The following BABAM2 variants were observed in gnomAD, a reference collection of about 807,000 sequenced individuals.
The protein encoded by BABAM2 is BRISC and BRCA1-A complex member 2.
In BABAM2, 31 loss-of-function variants were observed where a neutral mutation model predicts 54.7. That is an observed-to-expected ratio of 0.57 (90% confidence interval 0.43 to 0.77). BABAM2 has a LOEUF of 0.77. Among genes scored for constraint, BABAM2 ranks in the 30% least tolerant of loss-of-function variants. BABAM2 has a pLI of 0.00. For synonymous variants in BABAM2, 167 were observed against 162.9 expected, an observed-to-expected ratio of 1.03 and a Z score of -0.19; for missense variants, 364 against 455.8, an observed-to-expected ratio of 0.80 and a Z score of 1.83.
At chr2:28,332,868 G>A (rs1691085198) in intron 11 of BABAM2, among the ~76,000 whole-genome samples, 2 of 152,182 alleles carry the variant, frequency 1.3e-5, no homozygotes, top group Admixed American at 1.3e-4. Context: ...AAGACACACA[G>A]TGTCCCATGA....
At chr2:28,231,625 A>G (rs558289502) in intron 7 of BABAM2, among the ~76,000 whole-genome samples, 1 of 152,032 alleles carries the variant, frequency 6.6e-6, no homozygotes, top group Non-Finnish European at 1.5e-5. Flanking sequence ...CAAAAGCAGG[A>G]TGCTAAGGCT....
intron 3 of BABAM2, chr2:27,930,297 G>T (rs760529884): frequency 5.6e-6 from 1 of 177,550 alleles, no homozygotes; most frequent in South Asian, 1.2e-4. Flanking sequence ...CTGTGGAACC[G>T]CTGCGCCACG....
At chr2:28,320,572 C>T (rs1366594449) in intron 11 of BABAM2, among the ~76,000 whole-genome samples, 2 of 152,248 alleles carry the variant, frequency 1.3e-5, no homozygotes, top group African/African-American at 2.4e-5. Flanking sequence ...TACTACTCCA[C>T]GTTGCCAGGC....
chr2:28,064,581 C>T (rs1355209661), intron 6 of BABAM2, among the ~76,000 whole-genome samples: 1 of 152,216 alleles, frequency 6.6e-6, no homozygotes, highest in Non-Finnish European at 1.5e-5. Flanking sequence ...GATTCCTATA[C>T]TCTAATGTTC....
chr2:28,031,371 A>G (rs1311195504), intron 5 of BABAM2, among the ~76,000 whole-genome samples: 1 of 152,198 alleles, frequency 6.6e-6, no homozygotes, highest in Admixed American at 6.5e-5. Context: ...CATACAAAGT[A>G]TGCATTTCTT....
chr2:28,219,696 A>C (rs1175670489), intron 7 of BABAM2, among the ~76,000 whole-genome samples: 1 of 152,056 alleles, frequency 6.6e-6, no homozygotes, highest in Non-Finnish European at 1.5e-5. Context: ...CAAGCAAAGA[A>C]GCTTCAGTGA....
chr2:28,007,521 A>G (rs1674062788), intron 4 of BABAM2, among the ~76,000 whole-genome samples: 1 of 152,046 alleles, frequency 6.6e-6, no homozygotes, highest in Non-Finnish European at 1.5e-5. Flanking sequence ...TAGAGCTCCA[A>G]GATTAAAAGA....
At chr2:28,332,434 T>C (rs181338668) in intron 11 of BABAM2, among the ~76,000 whole-genome samples, 1 of 152,264 alleles carries the variant, frequency 6.6e-6, no homozygotes, top group African/African-American at 2.4e-5. Context: ...CATAAGATCA[T>C]TAAGTAGAAA....
chr2:28,256,350 A>G (rs952510416), intron 10 of BABAM2, among the ~76,000 whole-genome samples: 1 of 152,238 alleles, frequency 6.6e-6, no homozygotes, highest in Non-Finnish European at 1.5e-5. Flanking sequence ...TTACTGCTAA[A>G]GCCACTGCAG....
intron 7 of BABAM2, among the ~76,000 whole-genome samples, chr2:28,163,993 G>GA: frequency 6.6e-6 from 1 of 152,282 alleles, no homozygotes; most frequent in South Asian, 2.1e-4. Flanking sequence ...TTTTCTCATG[G>GA]AGTTCTCTTC....
chr2:28,016,539 C>G (rs946003097), intron 4 of BABAM2: 1 of 677,312 alleles, frequency 1.5e-6, no homozygotes, highest in Non-Finnish European at 2.6e-6. Context: ...GAGAGATGGC[C>G]GAAGCGGGCC....
intron 7 of BABAM2, among the ~76,000 whole-genome samples, chr2:28,196,839 T>A (rs982886869): frequency 1.0e-5 from 1 of 97,314 alleles, no homozygotes; most frequent in African/African-American, 4.4e-5. Flanking sequence ...ACCCTGTCTT[T>A]TTTTTTTTTT....
At chr2:28,215,299 T>G (rs1679829323) in intron 7 of BABAM2, among the ~76,000 whole-genome samples, 1 of 152,172 alleles carries the variant, frequency 6.6e-6, no homozygotes, top group Non-Finnish European at 1.5e-5. Flanking sequence ...CTCTTTAACT[T>G]GTCTAAGCCT....
chr2:28,244,885 C>T, intron 10 of BABAM2, 23 bp downstream of exon 10: 1 of 1,591,264 alleles, frequency 6.3e-7, no homozygotes, highest in Non-Finnish European at 8.6e-7. Context: ...TTGCTGTCAG[C>T]ATGTCAGCAT....
chr2:28,124,707 C>T (rs921521201), intron 6 of BABAM2, among the ~76,000 whole-genome samples: 10 of 152,280 alleles, frequency 6.6e-5, no homozygotes, highest in South Asian at 2.1e-4. Context: ...CCTGCTCTTA[C>T]CCACTTATCC....
rs182962702 is a variant in BABAM2, at chr2:28,126,003, C to T, written c.571-3268C>T. Among the ~76,000 whole-genome samples, 6 of 152,200 alleles carry T rather than the reference C, an allele frequency of 3.9e-5. No individual in the cohort carries two copies. In the East Asian group the frequency reaches 1.2e-3, roughly 29 times the overall value. On this transcript the variant is annotated intron_variant, in intron 6 of 11. Transcript: ENST00000379624. ...GCATAAAGAAAGTAGTTTGAAGCTA[C>T]CTACACACACAGTTAATATTGGTTA...
At chr2:28,114,750 G>A (rs1301673903) in intron 6 of BABAM2, among the ~76,000 whole-genome samples, 2 of 152,050 alleles carry the variant, frequency 1.3e-5, no homozygotes, top group Non-Finnish European at 2.9e-5. Context: ...TGCACTCTAG[G>A]GTTTGATCAT....
chr2:28,257,748 G>A (rs963645363), intron 10 of BABAM2, among the ~76,000 whole-genome samples: 2 of 152,108 alleles, frequency 1.3e-5, no homozygotes, highest in African/African-American at 4.8e-5. Flanking sequence ...AGCCCAGTGT[G>A]GTGACATGCA....
intron 5 of BABAM2, among the ~76,000 whole-genome samples, chr2:28,038,078 A>G (rs1201381864): frequency 1.3e-5 from 2 of 152,214 alleles, no homozygotes; most frequent in Non-Finnish European, 2.9e-5. Context: ...ATCTGGGATA[A>G]ATGCAAGGAA....
Sources: allele counts gnomAD v4.1 joint callset (sites outside exome capture counted in the v4.1 genomes callset), GRCh38; gene constraint gnomAD v4.1.1; transcripts MANE v1.5; gene names NCBI Gene and HGNC (gene_info 2026-07-23, HGNC 2026-07-21).